Variants in PARP10 observed in about 807,000 individuals in gnomAD.
The protein encoded by PARP10 is poly(ADP-ribose) polymerase family member 10.
Under a neutral mutation model 82.4 loss-of-function variants are expected in PARP10, and 56 were observed. That is an observed-to-expected ratio of 0.68 (90% confidence interval 0.55 to 0.85). PARP10 has a LOEUF of 0.85. Among genes scored for constraint, PARP10 ranks in the 40% least tolerant of loss-of-function variants. The pLI is 0.00. For synonymous variants in PARP10, 576 were observed against 601.1 expected (o/e 0.96, Z 0.61); for missense variants, 1,227 against 1,379.4 (o/e 0.89, Z 1.75).
At chr8:144,009,409 G>A (rs957971790) in intron 1 of PARP10, among the ~76,000 whole-genome samples, 3 of 152,046 alleles carry the variant, frequency 2.0e-5, no homozygotes, top group Non-Finnish European at 2.9e-5. Flanking sequence ...AGCCTTCTCC[G>A]GTTTTCCTGT....
intron 9 of PARP10, among the ~76,000 whole-genome samples, chr8:143,982,468 C>A (rs146913442): frequency 2.0e-5 from 3 of 151,874 alleles, no homozygotes; most frequent in Non-Finnish European, 4.4e-5. Flanking sequence ...AGCGAGATGC[C>A]GTCTCAAAAA....
intron 1 of PARP10, among the ~76,000 whole-genome samples, chr8:144,002,852 G>A (rs1377322818): frequency 6.6e-6 from 1 of 152,176 alleles, no homozygotes; most frequent in African/African-American, 2.4e-5. Flanking sequence ...CAAGGTAGGA[G>A]GATCACTTGA....
At chr8:143,980,779 T>C (rs1833833390) in intron 9 of PARP10, among the ~76,000 whole-genome samples, 2 of 152,258 alleles carry the variant, frequency 1.3e-5, no homozygotes, top group South Asian at 4.1e-4. Flanking sequence ...ACATCTTTTT[T>C]ACAGAACAGA....
At chr8:143,997,605 C>A (rs1300052857) in intron 1 of PARP10, among the ~76,000 whole-genome samples, 1 of 152,108 alleles carries the variant, frequency 6.6e-6, no homozygotes, top group African/African-American at 2.4e-5. Flanking sequence ...TAATGTCATT[C>A]CCCTGCTTAA....
chr8:143,983,588 T>C lies in PARP10; in HGVS notation c.2001A>G (p.Gln667=), dbSNP rs782169928. The C allele has an allele frequency of 2.2e-5, 36 of 1,606,012 alleles. No homozygotes were observed. The Admixed American group carries it at 5.9e-4, about 26-fold the overall frequency. ...QLALHRSLEP[Q]GQVAEQEEAA... ...CCTCCTCCTGCTCAGCCACCTGACC[T>C]TGAGGCTCCAGTGACCGGTGGAGGG... The change falls in exon 8 of 11, where the codon CAA becomes CAG. Residue 667 remains glutamine (Q), a synonymous_variant. Coordinates refer to ENST00000313028, the MANE Select transcript of PARP10 (RefSeq NM_032789.5).
At chr8:143,992,859 G>A (rs781901876), upstream of PARP10, 4 of 1,610,506 alleles carry the variant, frequency 2.5e-6, no homozygotes, top group East Asian at 6.7e-5. Context: ...CCAGCTCGCT[G>A]TGCCCGCTCA....
chr8:143,992,356 G>A (rs781563403), upstream of PARP10: 20 of 1,597,818 alleles, frequency 1.3e-5, no homozygotes, highest in East Asian at 2.2e-5. Flanking sequence ...CTTCACCGTC[G>A]TCATCTTCTC....
intron 7 of PARP10, 60 bp downstream of exon 7, chr8:143,983,948 G>A: frequency 6.8e-7 from 1 of 1,475,746 alleles, no homozygotes; most frequent in Non-Finnish European, 9.1e-7. Context: ...ACAGAGCAGG[G>A]CAGGGGGTGA....
At chr8:143,992,212 C>A, upstream of PARP10, 1 of 1,602,460 alleles carries the variant, frequency 6.2e-7, no homozygotes, top group African/African-American at 1.3e-5. Context: ...TGGGGGCACA[C>A]ACCCAAGGTC....
At chr8:143,998,993 C>CTCCCTCCT (rs1834180953) in intron 1 of PARP10, among the ~76,000 whole-genome samples, 2 of 146,472 alleles carry the variant, frequency 1.4e-5, no homozygotes, top group Non-Finnish European at 3.0e-5. Context: ...TTAATTCTTT[C>CTCCCTCCT]TCCTTCCTTC....
rs1554746589 is a variant in PARP10 at position 143,977,735 on chromosome 8, C to A, written c.2827G>T (p.Val943Leu). Reference sequence around the variant, plus strand: ...CCAGTCAGCACCCGTGCCACGAACACCGCCTTATGGCCATCGGCGTTGGGG... The same window carrying A: ...CCAGTCAGCACCCGTGCCACGAACAACGCCTTATGGCCATCGGCGTTGGGG... ...SPPNADGHKA[V>L]FVARVLTGDY... Residue 943 changes from valine (V) to leucine (L), a missense_variant, in exon 11 of 11, where the codon GTG becomes TTG. Transcript: ENST00000313028. The A allele has an allele frequency of 1.2e-6, 2 of 1,601,778 alleles. No individual in the cohort carries two copies. The highest frequency in any genetic ancestry group is 1.3e-5 in the African/African-American group (1 of 74,602).
At chr8:143,991,838 GTGGC>G (rs1564257655), upstream of PARP10, 2 of 1,605,296 alleles carry the variant, frequency 1.2e-6, no homozygotes, top group Non-Finnish European at 1.7e-6. Context: ...GGTGGGGGCT[GTGGC>G]TCCCAGCGGA....
intron 9 of PARP10, among the ~76,000 whole-genome samples, 153 bp downstream of exon 9, chr8:143,982,779 G>A (rs1833892092): frequency 6.6e-6 from 1 of 152,218 alleles, no homozygotes; most frequent in Non-Finnish European, 1.5e-5. Flanking sequence ...CTTTGGGAAC[G>A]CCCTCTGGGC....
At chr8:143,986,741 C>T (rs1179469373), upstream of PARP10, 1 of 366,672 alleles carries the variant, frequency 2.7e-6, no homozygotes, top group Non-Finnish European at 5.1e-6. Context: ...AATCACCCGC[C>T]CCACTAAACC....
intron 9 of PARP10, among the ~76,000 whole-genome samples, chr8:143,980,833 G>C (rs1833834153): frequency 6.6e-6 from 1 of 152,126 alleles, no homozygotes; most frequent in African/African-American, 2.4e-5. Context: ...TGGCTCAGTG[G>C]TAAATGTTTT....
intron 1 of PARP10, among the ~76,000 whole-genome samples, chr8:144,005,450 G>A (rs1452412466): frequency 1.3e-5 from 2 of 152,162 alleles, no homozygotes; most frequent in East Asian, 1.9e-4. Flanking sequence ...CTACTATCCT[G>A]CAGCCCTAGG....
chr8:143,980,383 G>T (rs1203400383), intron 9 of PARP10, among the ~76,000 whole-genome samples: 1 of 146,354 alleles, frequency 6.8e-6, no homozygotes, highest in Non-Finnish European at 1.5e-5. Flanking sequence ...AAAGTAGCTG[G>T]GTGTGGTGGT....
In PARP10 at chr8:143,979,012, G is replaced by A. The variant is rs188868273; in HGVS notation, c.2557-931C>T. On this transcript the variant is annotated intron_variant, in intron 9 of 10. Transcript: ENST00000313028. ...CTTTGAGAGGGAGTCTGGCTGTGTC[G>A]CCCAGGCTGGAGTGCAGTGGCACGA... Among the ~76,000 whole-genome samples, 6 of 148,182 alleles carry A rather than the reference G, an allele frequency of 4.0e-5. No individual in the cohort carries two copies. The East Asian group carries it at 7.9e-4, about 20-fold the overall frequency.
upstream of PARP10, chr8:143,990,134 A>C (rs1214641247): frequency 4.0e-5 from 6 of 150,484 alleles, no homozygotes; most frequent in Non-Finnish European, 7.4e-5. This position sits in a 1 kb window ranked among gnomAD's most constrained non-coding sequence, Gnocchi z 5.6. Flanking sequence ...GTGCGGGCGC[A>C]TCGGCCATCA....
Sources: allele counts gnomAD v4.1 joint callset (sites outside exome capture counted in the v4.1 genomes callset), GRCh38; gene constraint gnomAD v4.1.1; non-coding constraint Gnocchi (gnomAD v3.1); transcripts MANE v1.5; gene names NCBI Gene and HGNC (gene_info 2026-07-23, HGNC 2026-07-21).